Variants in SLC26A3 observed in about 807,000 individuals in gnomAD.
SLC26A3 encodes chloride anion exchanger.
SLC26A3 carries 64 observed loss-of-function variants against 85.6 expected under a neutral mutation model. That is an observed-to-expected ratio of 0.75 (90% CI 0.61 to 0.92). The LOEUF is 0.92. Among genes scored for constraint, SLC26A3 ranks in the 40% least tolerant of loss-of-function variants. The pLI is 0.00. For synonymous variants in SLC26A3, 349 were observed against 336.0 expected, an observed-to-expected ratio of 1.04 and a Z score of -0.42; for missense variants, 922 against 927.3, an observed-to-expected ratio of 0.99 and a Z score of 0.07.
chr7:107,770,442 G>T lies in SLC26A3; in HGVS notation c.2062+1612C>A, dbSNP rs572018030. On this transcript the variant is annotated intron_variant, in intron 18 of 20. Transcript: ENST00000340010. ...CAGCTAACATTTTTTTTTTTTTTTA[G>T]AGACGAGGTTTCACCATGTTGCCCA... Among the ~76,000 whole-genome samples, 229 of 146,130 alleles carry T rather than the reference G, an allele frequency of 1.6e-3. 2 individuals carry two copies. In the South Asian group the frequency reaches 0.018, roughly 12 times the overall value.
At chr7:107,794,322 A>T in intron 2 of SLC26A3, 57 bp downstream of exon 2, 1 of 1,597,250 alleles carries the variant, frequency 6.3e-7, no homozygotes, top group Non-Finnish European at 8.6e-7. Context: ...TAGAAAATTT[A>T]GGGGAAAGTG....
In SLC26A3 at chr7:107,794,606, A is replaced by C. The variant is rs886061905; in HGVS notation, c.-88-9T>G. Reference sequence around the variant, plus strand: ...TAGCAGGTTAAAAATGCCTGAAACCAAACAGAGCTTGCTTCTTAAATAACT... The same window carrying C: ...TAGCAGGTTAAAAATGCCTGAAACCCAACAGAGCTTGCTTCTTAAATAACT... On this transcript the variant is annotated splice_polypyrimidine_tract_variant and intron_variant, in intron 1 of 20. Coordinates refer to ENST00000340010, the MANE Select transcript of SLC26A3 (RefSeq NM_000111.3). 30 of 1,305,354 alleles carry C rather than the reference A, an allele frequency of 2.3e-5. No homozygotes were observed. The highest frequency in any genetic ancestry group is 1.8e-4 in the Middle Eastern group (1 of 5,438). 80.9% of individuals were successfully genotyped at this position (1,305,354 alleles called of 1,614,324 possible).
chr7:107,774,089 AT>A lies in SLC26A3; in HGVS notation c.1837del (p.Ile613Ter), dbSNP rs1794070410. The A allele has an allele frequency of 6.2e-7, 1 of 1,614,042 alleles. No individual in the cohort carries two copies. Among genetic ancestry groups the A allele is most frequent in the Non-Finnish European group, 8.5e-7 (1 of 1,180,036 alleles). Reference sequence around the variant, plus strand: ...ATTGATTGGCTGGTCCAGTACTTCTATCTGATTGTTGTCCAGCTCTTCGTCA... The same window carrying A: ...ATTGATTGGCTGGTCCAGTACTTCTACTGATTGTTGTCCAGCTCTTCGTCA... ...DSDEELDNNQ[I>X]EVLDQPINTT... is the part of the protein sequence containing the mutation. On this transcript the variant is annotated frameshift_variant, in exon 17 of 21. Coordinates refer to ENST00000340010, the MANE Select transcript of SLC26A3 (RefSeq NM_000111.3). LOFTEE classifies it high-confidence loss of function.
Position 107,767,652 on chromosome 7 carries a change from A to G in SLC26A3, c.2206-8T>C, listed in dbSNP as rs538072208. 4.8e-5 allele frequency: 77 copies of G among 1,609,750 alleles called. No individual in the cohort carries two copies. The East Asian group carries it at 1.4e-3, about 29-fold the overall frequency. ...AATTTTTCCATCTTTTTCCTGAGAAAAAGAGAATGGAAATATGGATTAGGG... is the reference window on the plus strand; with the variant it reads ...AATTTTTCCATCTTTTTCCTGAGAAGAAGAGAATGGAAATATGGATTAGGG... On this transcript the variant is annotated splice_polypyrimidine_tract_variant and splice_region_variant and intron_variant, in intron 19 of 20. Transcript: ENST00000340010.
At chr7:107,781,144 G>A (rs575342788) in intron 11 of SLC26A3, among the ~76,000 whole-genome samples, 1 of 152,044 alleles carries the variant, frequency 6.6e-6, no homozygotes, top group Non-Finnish European at 1.5e-5. Context: ...AGATTACAGA[G>A]CATTAAGAAA....
At chr7:107,795,259 C>G (rs1034899858) in intron 1 of SLC26A3, among the ~76,000 whole-genome samples, 2 of 152,152 alleles carry the variant, frequency 1.3e-5, no homozygotes, top group Non-Finnish European at 2.9e-5. Flanking sequence ...TAAAGATATT[C>G]AAGTTTCAGG....
At chr7:107,771,874 T>A (rs1220023498) in intron 18 of SLC26A3, among the ~76,000 whole-genome samples, 180 bp downstream of exon 18, 2 of 152,242 alleles carry the variant, frequency 1.3e-5, no homozygotes, top group African/African-American at 4.8e-5. Flanking sequence ...TAATTACATA[T>A]CAACATAACT....
intron 6 of SLC26A3, 139 bp downstream of exon 6, chr7:107,789,385 G>A: frequency 2.4e-6 from 2 of 827,178 alleles, no homozygotes; most frequent in Non-Finnish European, 3.9e-6. Context: ...CTCCCAAAGT[G>A]CTGCTTTCTT....
At chr7:107,788,367 C>A (rs559590043) in intron 6 of SLC26A3, among the ~76,000 whole-genome samples, 370 of 152,310 alleles carry the variant, frequency 2.4e-3, no homozygotes, top group Admixed American at 3.7e-3. Context: ...AGAACACTAT[C>A]TGTTCTACTT....
intron 15 of SLC26A3, among the ~76,000 whole-genome samples, chr7:107,775,587 C>T (rs1037444830): frequency 2.6e-5 from 4 of 151,348 alleles, no homozygotes; most frequent in Non-Finnish European, 2.9e-5. Flanking sequence ...TAGCACTTAG[C>T]GGGGTGTAGT....
At chr7:107,766,002 C>A in intron 20 of SLC26A3, 124 bp from the exon 21 acceptor site, 1 of 762,956 alleles carries the variant, frequency 1.3e-6, no homozygotes, top group South Asian at 1.5e-5. Context: ...TTTTAATGAT[C>A]AAGTACCTTC....
At chr7:107,775,909 A>G in intron 15 of SLC26A3, 1 of 161,716 alleles carries the variant, frequency 6.2e-6, no homozygotes, top group South Asian at 1.6e-4. Context: ...CAGAGGCTGT[A>G]TGCAAGGTAC....
intron 5 of SLC26A3, among the ~76,000 whole-genome samples, 184 bp downstream of exon 5, chr7:107,790,864 G>A (rs1300820103): frequency 6.6e-6 from 1 of 151,900 alleles, no homozygotes; most frequent in East Asian, 1.9e-4. Flanking sequence ...TTGTACTGTT[G>A]ACCCACTCCT....
At chr7:107,779,517 A>C in intron 12 of SLC26A3, 151 bp downstream of exon 12, 1 of 674,300 alleles carries the variant, frequency 1.5e-6, no homozygotes, top group Non-Finnish European at 2.6e-6. Flanking sequence ...TATGCAATTT[A>C]AAAATAGCAA....
rs762540380 is a variant in SLC26A3 at position 107,773,915 on chromosome 7, A to G, written c.2007+5T>C. 46 of 1,604,664 alleles carry G rather than the reference A, an allele frequency of 2.9e-5. No homozygotes were observed. Among genetic ancestry groups the G allele is most frequent in the Non-Finnish European group, 3.8e-5 (45 of 1,171,602 alleles). The stretch of plus-strand genomic sequence containing the variant: ...GGTTGTTTCCATTAAGAACAAAGAA[A>G]TTACCGATTTAAGGCCCCTCACTGA... On this transcript the variant is annotated splice_donor_5th_base_variant and intron_variant, in intron 17 of 20. Transcript: ENST00000340010.
intron 11 of SLC26A3, among the ~76,000 whole-genome samples, chr7:107,782,035 G>A (rs771451725): frequency 1.2e-4 from 18 of 152,064 alleles, no homozygotes; most frequent in Admixed American, 5.9e-4. Context: ...CAAATGTGGC[G>A]CTTGAGGTTC....
chr7:107,765,783 TCA>T lies in SLC26A3; in HGVS notation c.*70_*71del. On this transcript the variant is annotated 3_prime_UTR_variant, in exon 21 of 21. Coordinates refer to ENST00000340010, the MANE Select transcript of SLC26A3 (RefSeq NM_000111.3). Reference sequence around the variant, plus strand: ...ACTCTTCGTACAATGTATGAACTTATCAATAACTTTCTGGGTATAAAGTTGTT... The same window carrying T: ...ACTCTTCGTACAATGTATGAACTTATATAACTTTCTGGGTATAAAGTTGTT... 9.1e-7 allele frequency: 1 copy of T among 1,098,700 alleles called. No individual in the cohort carries two copies. The highest frequency in any genetic ancestry group is 1.4e-6 in the Non-Finnish European group (1 of 711,900). The allele number at this position is 1,098,700 out of a possible 1,614,324, so 68.1% of individuals were successfully genotyped here. A position where few individuals can be genotyped will look rare whatever the true frequency, so the allele number is the denominator to read the frequency against.
At chr7:107,781,664 G>A (rs370683336) in intron 11 of SLC26A3, among the ~76,000 whole-genome samples, 31 of 152,212 alleles carry the variant, frequency 2.0e-4, no homozygotes, top group African/African-American at 7.2e-4. Flanking sequence ...TATGGAGAAT[G>A]CATATTTTTG....
chr7:107,797,029 A>T (rs1794516525), intron 1 of SLC26A3, among the ~76,000 whole-genome samples: 1 of 152,038 alleles, frequency 6.6e-6, no homozygotes, highest in Non-Finnish European at 1.5e-5. Context: ...CTTCATTTCT[A>T]ATCAGTTTCC....
Sources: allele counts gnomAD v4.1 joint callset (sites outside exome capture counted in the v4.1 genomes callset), GRCh38; gene constraint gnomAD v4.1.1; transcripts MANE v1.5; gene names NCBI Gene and HGNC (gene_info 2026-07-23, HGNC 2026-07-21).